CPXM2: variants seen among roughly 807,000 people sequenced by gnomAD.
The protein encoded by CPXM2 is carboxypeptidase X, M14 family member 2.
Under a neutral mutation model 86.1 loss-of-function variants are expected in CPXM2, and 66 were observed. The ratio of observed to expected loss-of-function variants is 0.77; its 90% CI spans 0.63 to 0.94. CPXM2 has a LOEUF of 0.94. CPXM2 is among the 40% of genes least tolerant of loss of function. CPXM2 has a pLI of 0.00. For synonymous variants in CPXM2, 388 were observed against 400.2 expected, an observed-to-expected ratio of 0.97 and a Z score of 0.36; for missense variants, 948 against 1,026.3, an observed-to-expected ratio of 0.92 and a Z score of 1.04.
chr10:123,788,622 C>T (rs968342116), intron 6 of CPXM2, among the ~76,000 whole-genome samples: 4 of 152,314 alleles, frequency 2.6e-5, no homozygotes, highest in East Asian at 1.9e-4. Flanking sequence ...AAAGACAAGA[C>T]GCCTCTTCCC....
At chr10:123,817,182 C>A (rs1035952607) in intron 4 of CPXM2, among the ~76,000 whole-genome samples, 9 of 152,162 alleles carry the variant, frequency 5.9e-5, no homozygotes, top group Non-Finnish European at 1.3e-4. Flanking sequence ...TTGAATGACC[C>A]AAAAGGCTGC....
chr10:123,823,329 C>T (rs1354645796), intron 4 of CPXM2, among the ~76,000 whole-genome samples: 1 of 152,050 alleles, frequency 6.6e-6, no homozygotes, highest in East Asian at 1.9e-4. Context: ...CAGATGGCTC[C>T]AGGAGGGATA....
At chr10:123,926,430 T>C (rs776559307) in intron 2 of CPXM2, among the ~76,000 whole-genome samples, 3 of 152,202 alleles carry the variant, frequency 2.0e-5, no homozygotes, top group Non-Finnish European at 4.4e-5. Context: ...CATCTGTGTG[T>C]CTCTCTCCCT....
At chr10:123,803,117 C>CTTTT (rs1564776992) in intron 4 of CPXM2, among the ~76,000 whole-genome samples, 2 of 60,988 alleles carry the variant, frequency 3.3e-5, no homozygotes, top group East Asian at 2.8e-4. Context: ...TTTGTAGTAC[C>CTTTT]CTTTTTTTTT....
chr10:123,789,357 G>A (rs919021532), intron 6 of CPXM2, among the ~76,000 whole-genome samples: 5 of 152,110 alleles, frequency 3.3e-5, no homozygotes, highest in South Asian at 4.2e-4. Context: ...CCCATCTCAC[G>A]ACTTCTCCAC....
intron 4 of CPXM2, among the ~76,000 whole-genome samples, chr10:123,818,335 C>G (rs1230657874): frequency 2.6e-5 from 4 of 152,190 alleles, no homozygotes; most frequent in African/African-American, 9.7e-5. Context: ...CAAGGCTGAC[C>G]TGGCTATGGC....
chr10:123,911,396 A>AG (rs1401304344), intron 2 of CPXM2, among the ~76,000 whole-genome samples: 1 of 152,066 alleles, frequency 6.6e-6, no homozygotes, highest in African/African-American at 2.4e-5. Flanking sequence ...GGCAGCCCCA[A>AG]GGGGGCTCCT....
chr10:123,784,655 G>A (rs1847009419), intron 6 of CPXM2, among the ~76,000 whole-genome samples: 1 of 152,170 alleles, frequency 6.6e-6, no homozygotes, highest in African/African-American at 2.4e-5. Flanking sequence ...AGGTATCCCT[G>A]ATGTAAATTC....
intron 13 of CPXM2, among the ~76,000 whole-genome samples, chr10:123,747,732 G>C (rs969396006): frequency 6.6e-6 from 1 of 152,064 alleles, no homozygotes. Flanking sequence ...AGATCCCTGT[G>C]GTGGGCACGG....
At chr10:123,871,067 G>A (rs1208773098) in intron 2 of CPXM2, among the ~76,000 whole-genome samples, 4 of 152,184 alleles carry the variant, frequency 2.6e-5, no homozygotes, top group Admixed American at 2.0e-4. Context: ...TCTGGAGTCA[G>A]CCCGGAGCCT....
At chr10:123,843,782 T>C (rs1848438611) in intron 3 of CPXM2, among the ~76,000 whole-genome samples, 1 of 152,080 alleles carries the variant, frequency 6.6e-6, no homozygotes. Flanking sequence ...AAGCGTTCTA[T>C]CAGGACAAAA....
chr10:123,806,334 C>G (rs376383729), intron 4 of CPXM2, among the ~76,000 whole-genome samples: 1 of 152,098 alleles, frequency 6.6e-6, no homozygotes, highest in South Asian at 2.1e-4. Context: ...TAAACACACA[C>G]ATGTTGAAAC....
intron 4 of CPXM2, among the ~76,000 whole-genome samples, chr10:123,840,309 T>C (rs1914530): frequency 0.028 from 4,317 of 152,208 alleles, 79 homozygotes; most frequent in African/African-American, 0.053. Context: ...AGAGCAAAAA[T>C]CAGCATGTAC....
intron 12 of CPXM2, among the ~76,000 whole-genome samples, chr10:123,756,843 G>A (rs990674514): frequency 1.3e-5 from 2 of 152,160 alleles, no homozygotes; most frequent in South Asian, 2.1e-4. Context: ...TCGGACTTCC[G>A]GCCTCCAGAG....
intron 4 of CPXM2, among the ~76,000 whole-genome samples, chr10:123,810,040 T>C (rs1433000254): frequency 6.6e-6 from 1 of 151,764 alleles, no homozygotes; most frequent in African/African-American, 2.4e-5. Context: ...AAAGTTGAAA[T>C]TAATGGAAGA....
chr10:123,848,366 C>T (rs1848539041), intron 3 of CPXM2, among the ~76,000 whole-genome samples: 1 of 152,208 alleles, frequency 6.6e-6, no homozygotes, highest in Non-Finnish European at 1.5e-5. Flanking sequence ...GTAAAGTAGG[C>T]TGTACAAAAA....
At chr10:123,916,304 G>C (rs1442776329) in intron 2 of CPXM2, among the ~76,000 whole-genome samples, 2 of 152,120 alleles carry the variant, frequency 1.3e-5, no homozygotes, top group Admixed American at 1.3e-4. Flanking sequence ...TAGGGGCCAG[G>C]AGCCCTGGGA....
At chr10:123,757,075 TGGCTCCTCGCAGCAC>T in intron 12 of CPXM2, 123 bp downstream of exon 12, 1 of 741,324 alleles carries the variant, frequency 1.3e-6, no homozygotes, top group Admixed American at 2.2e-5. Flanking sequence ...CAACACACAG[TGGCTCCTCGCAGCAC>T]TGTGCTGGCC....
At chr10:123,794,734 C>CGT (rs142855432) in intron 6 of CPXM2, among the ~76,000 whole-genome samples, 17,622 of 141,192 alleles carry the variant, frequency 0.12, 1,058 homozygotes, top group Non-Finnish European at 0.13. Flanking sequence ...TATTTAAGAC[C>CGT]GTGTGTGTGT....
Sources: gnomAD v4.1 joint callset for allele counts (sites outside exome capture counted in the v4.1 genomes callset) on GRCh38, gnomAD v4.1.1 for gene constraint, MANE v1.5 for transcripts, NCBI Gene and HGNC (gene_info 2026-07-23, HGNC 2026-07-21) for gene names.